FUT8: variants seen among roughly 807,000 people sequenced by gnomAD.
FUT8 encodes alpha-(1,6)-fucosyltransferase.
Under a neutral mutation model 71.3 loss-of-function variants are expected in FUT8, and 29 were observed. That is an observed-to-expected ratio of 0.41 (90% confidence interval 0.30 to 0.55). The LOEUF (loss-of-function observed/expected upper bound fraction) is 0.55, where lower values mean the gene tolerates loss of function less well. Among genes scored for constraint, FUT8 ranks in the 20% least tolerant of loss-of-function variants. The pLI is 0.34. For missense variants in FUT8, 544 were observed against 702.1 expected (o/e 0.77, Z 2.55); for synonymous variants, 254 against 239.3 (o/e 1.06, Z -0.57).
upstream of FUT8, among the ~76,000 whole-genome samples, chr14:65,407,859 T>A (rs2065093601): frequency 6.6e-6 from 1 of 152,202 alleles, no homozygotes; most frequent in Non-Finnish European, 1.5e-5. Flanking sequence ...TTAGTTCCTC[T>A]TGCAAGATTG....
intron 7 of FUT8, among the ~76,000 whole-genome samples, chr14:65,704,046 G>A (rs1010441963): frequency 2.6e-5 from 4 of 151,984 alleles, no homozygotes; most frequent in Non-Finnish European, 2.9e-5. Context: ...TGACCTTTAC[G>A]TATAATGAAG....
the FUT8 span, among the ~76,000 whole-genome samples, chr14:65,399,315 T>TAAAAA: frequency 4.0e-5 from 6 of 149,084 alleles, no homozygotes; most frequent in Admixed American, 1.3e-4. Flanking sequence ...AGACTCCATC[T>TAAAAA]AAAAAAAAAA....
intron 2 of FUT8, among the ~76,000 whole-genome samples, chr14:65,514,691 CTT>C (rs201567840): frequency 7.6e-5 from 11 of 143,806 alleles, no homozygotes; most frequent in African/African-American, 2.8e-4. Flanking sequence ...CAAATCACTT[CTT>C]TTTTTTTTTT....
At chr14:65,434,000 A>G (rs958796540) in intron 1 of FUT8, among the ~76,000 whole-genome samples, 4 of 152,192 alleles carry the variant, frequency 2.6e-5, no homozygotes, top group Admixed American at 2.0e-4. Flanking sequence ...ATTGCCCTAC[A>G]GTGGGGTTGG....
At chr14:65,372,191 C>G in the FUT8 span, among the ~76,000 whole-genome samples, 696 of 152,240 alleles carry the variant, frequency 4.6e-3, 2 homozygotes, top group African/African-American at 0.015. Context: ...TTTCTCTCCC[C>G]CTTTGACCTC....
At chr14:65,580,140 G>C (rs557295710) in intron 3 of FUT8, among the ~76,000 whole-genome samples, 1 of 149,596 alleles carries the variant, frequency 6.7e-6, no homozygotes, top group African/African-American at 2.5e-5. Flanking sequence ...TACGTCATTA[G>C]GTGATTTTTG....
intron 3 of FUT8, among the ~76,000 whole-genome samples, chr14:65,595,900 C>T (rs531478569): frequency 3.9e-5 from 6 of 152,270 alleles, no homozygotes; most frequent in East Asian, 1.9e-4. Flanking sequence ...TGAGCCACCA[C>T]GCGCGGCCCA....
In FUT8 at chr14:65,733,321, G is replaced by C. The variant is rs202026778; in HGVS notation, c.1350G>C (p.Val450=). The change falls in exon 10 of 11, where the codon GTG becomes GTC. Residue 450 remains valine (V), a synonymous_variant. Transcript: ENST00000673929. The part of the protein sequence containing the change: ...NRYTENSLRG[V]ILDIHFLSQA... The stretch of plus-strand genomic sequence containing the variant: ...ACACAGAAAATTCACTTCGTGGAGT[G>C]ATCCTGGATATACATTTTCTCTCTC... 6.2e-7 allele frequency: 1 copy of C among 1,610,580 alleles called. No homozygotes were observed. Among genetic ancestry groups the C allele is most frequent in the East Asian group, 2.2e-5 (1 of 44,724 alleles).
chr14:65,462,844 G>A (rs187674939), intron 2 of FUT8, among the ~76,000 whole-genome samples: 1 of 152,238 alleles, frequency 6.6e-6, no homozygotes, highest in East Asian at 1.9e-4. Flanking sequence ...TTTTAGATCT[G>A]GACAAAAGTT....
intron 2 of FUT8, among the ~76,000 whole-genome samples, chr14:65,476,533 G>A (rs963360538): frequency 6.6e-5 from 10 of 151,696 alleles, no homozygotes; most frequent in African/African-American, 2.4e-4. Flanking sequence ...GTCAGTAGTA[G>A]CACACAGAAA....
chr14:65,715,479 T>G (rs1895007732), intron 7 of FUT8, among the ~76,000 whole-genome samples: 1 of 152,218 alleles, frequency 6.6e-6, no homozygotes, highest in African/African-American at 2.4e-5. Flanking sequence ...CTCTGATCTT[T>G]ATTCTTCTCT....
upstream of FUT8, among the ~76,000 whole-genome samples, chr14:65,407,835 A>G (rs1329748953): frequency 6.6e-6 from 1 of 152,150 alleles, no homozygotes; most frequent in Non-Finnish European, 1.5e-5. Context: ...CAGTAGGTTG[A>G]CTTCATTTTC....
intron 2 of FUT8, among the ~76,000 whole-genome samples, chr14:65,499,359 G>A (rs975106089): frequency 1.3e-5 from 2 of 152,000 alleles, no homozygotes; most frequent in Non-Finnish European, 2.9e-5. Context: ...ATTATTTTGT[G>A]GTTAAGTAGA....
At chr14:65,559,377 C>T (rs925112173) in intron 2 of FUT8, among the ~76,000 whole-genome samples, 8 of 151,998 alleles carry the variant, frequency 5.3e-5, no homozygotes, top group East Asian at 1.9e-4. Context: ...ATAGCATTTA[C>T]GTTGTATTAG....
At chr14:65,369,435 G>A in the FUT8 span, among the ~76,000 whole-genome samples, 1 of 152,164 alleles carries the variant, frequency 6.6e-6, no homozygotes, top group African/African-American at 2.4e-5. The surrounding 1 kb of genome is among the most constrained non-coding windows in gnomAD (Gnocchi z 4.6). Flanking sequence ...GGTAAAATAA[G>A]GATGAGACCT....
chr14:65,423,552 G>A (rs1032828969), intron 1 of FUT8, among the ~76,000 whole-genome samples: 2 of 152,118 alleles, frequency 1.3e-5, no homozygotes, highest in Admixed American at 1.3e-4. Flanking sequence ...GTGAGCCACC[G>A]CGCCCGGCCT....
At chr14:65,421,335 C>T (rs1265542958) in intron 1 of FUT8, among the ~76,000 whole-genome samples, 4 of 151,902 alleles carry the variant, frequency 2.6e-5, no homozygotes, top group East Asian at 1.9e-4. Flanking sequence ...CGGAGGAATT[C>T]GTCTTGTTGG....
upstream of FUT8, chr14:65,412,020 C>G (rs1440068490): frequency 2.2e-6 from 1 of 456,610 alleles, no homozygotes; most frequent in African/African-American, 2.0e-5. Context: ...GGCAAAGCCT[C>G]TCCCCTCTCC....
intron 2 of FUT8, among the ~76,000 whole-genome samples, chr14:65,495,800 T>C (rs1265048614): frequency 3.3e-5 from 5 of 152,158 alleles, no homozygotes; most frequent in Non-Finnish European, 7.3e-5. Flanking sequence ...GTGAATGTAG[T>C]CTTGGTTCAA....
Sources: gnomAD v4.1 joint callset for allele counts (sites outside exome capture counted in the v4.1 genomes callset) on GRCh38, gnomAD v4.1.1 for gene constraint, Gnocchi (gnomAD v3.1) non-coding constraint, MANE v1.5 for transcripts, NCBI Gene and HGNC (gene_info 2026-07-23, HGNC 2026-07-21) for gene names.